NRXN3: variants seen among roughly 807,000 people sequenced by gnomAD.
NRXN3 encodes the protein neurexin 3.
A neutral mutation model predicts 137.6 loss-of-function variants in NRXN3; 32 were observed. The observed-to-expected ratio is 0.23, with a 90% CI of 0.18 to 0.31. The LOEUF is 0.31. Ranked by LOEUF, NRXN3 falls within the 10% of genes least tolerant of loss-of-function variation. The pLI is 1.00. For missense variants in NRXN3, 1,574 were observed against 2,062.5 expected, an observed-to-expected ratio of 0.76 and a Z score of 4.59; for synonymous variants, 798 against 784.5, an observed-to-expected ratio of 1.02 and a Z score of -0.29.
rs115463228 is a variant in NRXN3, at chr14:78,553,570, G to C, written c.758-91550G>C. 2.5e-3 allele frequency among the ~76,000 whole-genome samples: 387 copies of C among 152,294 alleles called. 2 individuals carry two copies. The highest frequency in any genetic ancestry group is 8.7e-3 in the African/African-American group (362 of 41,556). On this transcript the variant is annotated intron_variant, in intron 4 of 20. Transcript: ENST00000335750. ...AGGCTTCTATCAGCAAGAATCCAGA[G>C]AGGTTATTCATACATGGGACACTTG...
At chr14:78,689,088 T>C (rs535987474) in intron 6 of NRXN3, among the ~76,000 whole-genome samples, 1 of 152,282 alleles carries the variant, frequency 6.6e-6, no homozygotes, top group African/African-American at 2.4e-5. Context: ...ATTAAAGGTT[T>C]TTTAAATCTC....
intron 15 of NRXN3, among the ~76,000 whole-genome samples, chr14:79,202,687 A>G (rs1286485128): frequency 1.3e-5 from 2 of 152,160 alleles, no homozygotes; most frequent in Non-Finnish European, 2.9e-5. Context: ...AAACTCATCC[A>G]GGTCACTTCA....
chr14:79,829,031 C>A (rs145502547), intron 20 of NRXN3, among the ~76,000 whole-genome samples: 1 of 152,224 alleles, frequency 6.6e-6, no homozygotes, highest in East Asian at 1.9e-4. Context: ...CTCACCATCA[C>A]CCTCACCATT....
chr14:78,858,583 A>G (rs1277712460), intron 10 of NRXN3, among the ~76,000 whole-genome samples: 2 of 152,208 alleles, frequency 1.3e-5, no homozygotes, highest in Non-Finnish European at 2.9e-5. Context: ...ACAAAGGGCA[A>G]TCTACTTCCT....
intron 4 of NRXN3, among the ~76,000 whole-genome samples, chr14:78,537,236 A>G (rs934455643): frequency 6.6e-6 from 1 of 152,200 alleles, no homozygotes; most frequent in Non-Finnish European, 1.5e-5. Context: ...GTGTAAAAGC[A>G]TTCCTATTTC....
At chr14:79,470,953 TGTG>T (rs2096497516) in intron 16 of NRXN3, among the ~76,000 whole-genome samples, 1 of 15,594 alleles carries the variant, frequency 6.4e-5, no homozygotes, top group Admixed American at 7.5e-4. Context: ...AGAGAGAGAG[TGTG>T]TGTGTGTGTG....
intron 16 of NRXN3, among the ~76,000 whole-genome samples, chr14:79,663,287 T>A (rs767904833): frequency 6.6e-6 from 1 of 151,862 alleles, no homozygotes; most frequent in African/African-American, 2.4e-5. Context: ...CACACACACA[T>A]ATATCCAGCC....
chr14:78,523,269 G>C (rs2096312515), intron 4 of NRXN3, among the ~76,000 whole-genome samples: 1 of 152,158 alleles, frequency 6.6e-6, no homozygotes, highest in South Asian at 2.1e-4. Context: ...TCCCTTGATT[G>C]AGACATCTCC....
At chr14:78,685,309 T>A (rs567180032) in intron 6 of NRXN3, among the ~76,000 whole-genome samples, 1 of 152,334 alleles carries the variant, frequency 6.6e-6, no homozygotes, top group African/African-American at 2.4e-5. Flanking sequence ...CTTAAAAATG[T>A]AAGAGGCACA....
At chr14:78,179,426 C>T (rs2059577605) in intron 1 of NRXN3, among the ~76,000 whole-genome samples, 1 of 152,066 alleles carries the variant, frequency 6.6e-6, no homozygotes, top group Admixed American at 6.5e-5. Context: ...TTTATTTTTT[C>T]CAATAATGTG....
intron 17 of NRXN3, among the ~76,000 whole-genome samples, chr14:79,678,036 T>C (rs1204088816): frequency 1.3e-5 from 2 of 152,190 alleles, no homozygotes; most frequent in East Asian, 3.9e-4. Flanking sequence ...ACAGTGGCTT[T>C]AATTTTCTGA....
At chr14:78,545,101 G>C (rs1242435657) in intron 4 of NRXN3, among the ~76,000 whole-genome samples, 1 of 152,158 alleles carries the variant, frequency 6.6e-6, no homozygotes, top group Non-Finnish European at 1.5e-5. Context: ...ATTTAACCTT[G>C]GTAGTACTGA....
intron 19 of NRXN3, among the ~76,000 whole-genome samples, chr14:79,787,733 C>T (rs2099133504): frequency 6.6e-6 from 1 of 152,032 alleles, no homozygotes. Context: ...GAATTTCCTG[C>T]TTTTTAAAGG....
intron 15 of NRXN3, among the ~76,000 whole-genome samples, chr14:79,242,023 C>A (rs112054532): frequency 0.059 from 8,880 of 151,740 alleles, 713 homozygotes; most frequent in African/African-American, 0.18. Flanking sequence ...GCAGAGATCA[C>A]GCCACTGCAC....
chr14:78,942,928 A>G (rs1394428859), intron 10 of NRXN3, among the ~76,000 whole-genome samples: 2 of 152,208 alleles, frequency 1.3e-5, no homozygotes, highest in African/African-American at 4.8e-5. Context: ...CAAAAAAATA[A>G]ATATTCTGAG....
intron 18 of NRXN3, among the ~76,000 whole-genome samples, chr14:79,695,371 T>G (rs1269626403): frequency 6.6e-6 from 1 of 151,990 alleles, no homozygotes; most frequent in Non-Finnish European, 1.5e-5. Context: ...ACTGTTAACT[T>G]ATCACCAGTG....
intron 15 of NRXN3, among the ~76,000 whole-genome samples, chr14:79,272,156 A>T (rs2079436860): frequency 6.7e-6 from 1 of 150,116 alleles, no homozygotes. Flanking sequence ...AGCACTTATC[A>T]CATTGTATTT....
chr14:79,267,647 T>C (rs997603758), intron 15 of NRXN3, among the ~76,000 whole-genome samples: 1 of 151,594 alleles, frequency 6.6e-6, no homozygotes, highest in African/African-American at 2.4e-5. Flanking sequence ...CACACCCAGC[T>C]AAGTTTTGTA....
intron 15 of NRXN3, among the ~76,000 whole-genome samples, chr14:79,379,025 C>T (rs1044142563): frequency 8.5e-5 from 13 of 152,084 alleles, no homozygotes; most frequent in Admixed American, 2.0e-4. Context: ...TCACTGTGGA[C>T]GATAGATAGC....
Sources: gnomAD v4.1 joint callset for allele counts (sites outside exome capture counted in the v4.1 genomes callset) on GRCh38, gnomAD v4.1.1 for gene constraint, MANE v1.5 for transcripts, NCBI Gene and HGNC (gene_info 2026-07-23, HGNC 2026-07-21) for gene names.